The following GID4 variants were observed in gnomAD, a reference collection of about 807,000 sequenced individuals.
GID4 encodes glucose-induced degradation protein 4 homolog.
In GID4, 7 loss-of-function variants were observed where a neutral mutation model predicts 32.4. That is an observed-to-expected ratio of 0.22 (90% CI 0.12 to 0.41). GID4 has a LOEUF of 0.41. Ranked by LOEUF, GID4 falls within the 10% of genes least tolerant of loss-of-function variation. The pLI is 1.00. For missense variants in GID4, 309 were observed against 400.0 expected (o/e 0.77, Z 1.94); for synonymous variants, 166 against 170.0 (o/e 0.98, Z 0.18).
rs1215883471 is a variant in GID4 at position 18,065,870 on chromosome 17, A to T, written c.*627A>T. The T allele has an allele frequency of 6.6e-6, 1 of 152,618 alleles. No homozygotes were observed. The highest frequency in any genetic ancestry group is 2.4e-5 in the African/African-American group (1 of 41,474). The allele number at this position is 152,618 out of a possible 1,614,324, so 9.5% of individuals were successfully genotyped here. ...CCTGTACTGTTAACAGTGCAAAGCT[A>T]GTGAGTAGCTGTCAGGTTCCCTGGG... On this transcript the variant is annotated 3_prime_UTR_variant, in exon 6 of 6. Transcript: ENST00000268719.
intron 3 of GID4, among the ~76,000 whole-genome samples, 160 bp from the exon 4 acceptor site, chr17:18,058,708 T>C (rs1241138873): frequency 6.6e-6 from 1 of 152,152 alleles, no homozygotes; most frequent in African/African-American, 2.4e-5. Context: ...GGGGTGACCA[T>C]AGGGCCCCAT....
chr17:18,059,021 T>G lies in GID4; in HGVS notation c.708+52T>G, dbSNP rs768218064. 3.4e-5 allele frequency: 34 copies of G among 1,010,450 alleles called. 1 individual carries two copies. The South Asian group carries it at 4.1e-4, about 12-fold the overall frequency. The allele number at this position is 1,010,450 out of a possible 1,614,324, so 62.6% of individuals were successfully genotyped here. A position where few individuals can be genotyped will look rare whatever the true frequency, so the allele number is the denominator to read the frequency against. ...GACTCCCAGCAAGCCAGGCCCTGTA[T>G]CGCACCTACATATTCACTCTAACCA... is the stretch of plus-strand genomic sequence containing the variant. On this transcript the variant is annotated intron_variant, in intron 4 of 5. Transcript: ENST00000268719.
At chr17:18,064,543 GA>G (rs886667207) in intron 5 of GID4, among the ~76,000 whole-genome samples, 10 of 152,116 alleles carry the variant, frequency 6.6e-5, no homozygotes, top group African/African-American at 2.4e-4. Context: ...AAATGTGCCC[GA>G]GGTTGTCATC....
intron 2 of GID4, among the ~76,000 whole-genome samples, chr17:18,052,748 C>A (rs2044924710): frequency 6.6e-6 from 1 of 152,214 alleles, no homozygotes; most frequent in South Asian, 2.1e-4. Context: ...ATTAACAAAG[C>A]ACCCAAGCCA....
Position 18,052,473 on chromosome 17 carries a change from G to T in GID4, c.499-1654G>T, listed in dbSNP as rs1029531934. Among the ~76,000 whole-genome samples the T allele has an allele frequency of 2.6e-4, 40 of 152,216 alleles. 1 individual carries two copies. In the South Asian group the frequency reaches 3.1e-3, roughly 12 times the overall value. On this transcript the variant is annotated intron_variant, in intron 2 of 5. Transcript: ENST00000268719. ...GAGGTTTTTGATGCAGAATAAGAGG[G>T]GCTTACATCTGATCTGAAGGAAAAA...
chr17:18,058,347 C>G (rs1475789094), intron 3 of GID4, among the ~76,000 whole-genome samples: 1 of 152,130 alleles, frequency 6.6e-6, no homozygotes, highest in African/African-American at 2.4e-5. Flanking sequence ...GTCCTGGAAC[C>G]AATCTCTCGC....
chr17:18,064,749 C>T (rs1597700801), intron 5 of GID4, among the ~76,000 whole-genome samples: 2 of 152,132 alleles, frequency 1.3e-5, no homozygotes, highest in African/African-American at 2.4e-5. Flanking sequence ...TTTCTACGCT[C>T]TCTTTAGATA....
intron 3 of GID4, among the ~76,000 whole-genome samples, chr17:18,055,490 A>T (rs987393192): frequency 3.9e-5 from 6 of 152,032 alleles, no homozygotes; most frequent in African/African-American, 1.4e-4. Context: ...TATTTTATTT[A>T]AAAAAAATTT....
chr17:18,054,062 C>T, intron 2 of GID4, 65 bp from the exon 3 acceptor site: 1 of 860,420 alleles, frequency 1.2e-6, no homozygotes, highest in Non-Finnish European at 1.9e-6. Flanking sequence ...GTTTATTTTT[C>T]CTTTGTACAA....
At chr17:18,040,939 G>A (rs2044794417) in intron 1 of GID4, among the ~76,000 whole-genome samples, 1 of 152,112 alleles carries the variant, frequency 6.6e-6, no homozygotes, top group Non-Finnish European at 1.5e-5. Context: ...TCACTTGTCT[G>A]GGCCTTTCCC....
rs2045051557 is a variant in GID4 at position 18,065,343 on chromosome 17, G to C, written c.*100G>C. 1.2e-6 allele frequency: 1 copy of C among 858,818 alleles called. No homozygotes were observed. The highest frequency in any genetic ancestry group is 1.9e-5 in the Admixed American group (1 of 51,802). 53.2% of individuals were successfully genotyped at this position (858,818 alleles called of 1,614,324 possible). A position where few individuals can be genotyped will look rare whatever the true frequency, so the allele number is the denominator to read the frequency against. On this transcript the variant is annotated 3_prime_UTR_variant, in exon 6 of 6. Coordinates refer to ENST00000268719, the MANE Select transcript of GID4 (RefSeq NM_024052.5). ...CCAGAACCAGGAGAAGTGTGTTCCT[G>C]TTTCTTCACGAGCAGACTCGCATCA...
chr17:18,060,084 C>CAAAAAAAAAA (rs35399188), intron 4 of GID4, among the ~76,000 whole-genome samples: 1 of 60,474 alleles, frequency 1.7e-5, no homozygotes, highest in Non-Finnish European at 3.0e-5. Context: ...GACTCCATCT[C>CAAAAAAAAAA]AAAAAAAAAA....
At chr17:18,057,854 GAC>G (rs1310270774) in intron 3 of GID4, among the ~76,000 whole-genome samples, 1 of 149,742 alleles carries the variant, frequency 6.7e-6, no homozygotes, top group African/African-American at 2.5e-5. Context: ...TTTTTTTTGA[GAC>G]AGAGTCTCGC....
At chr17:18,054,966 T>G (rs890234462) in intron 3 of GID4, among the ~76,000 whole-genome samples, 1 of 152,086 alleles carries the variant, frequency 6.6e-6, no homozygotes, top group African/African-American at 2.4e-5. Context: ...GGTCAGGAGA[T>G]TGAGACCATC....
chr17:18,045,328 C>T (rs2044842503), intron 2 of GID4, 122 bp downstream of exon 2: 1 of 656,212 alleles, frequency 1.5e-6, no homozygotes, highest in African/African-American at 1.8e-5. Flanking sequence ...TACTCCTGAG[C>T]ATTGCTACTG....
At chr17:18,049,211 C>T (rs2044885151) in intron 2 of GID4, among the ~76,000 whole-genome samples, 1 of 151,558 alleles carries the variant, frequency 6.6e-6, no homozygotes, top group East Asian at 2.0e-4. Flanking sequence ...TGGCGGGCAC[C>T]TGTAATCCCA....
chr17:18,045,640 A>G (rs1446257055), intron 2 of GID4, among the ~76,000 whole-genome samples: 3 of 152,224 alleles, frequency 2.0e-5, no homozygotes, highest in African/African-American at 7.2e-5. Context: ...CATGCCTGTA[A>G]TCGCAACACT....
At chr17:18,056,616 G>A in intron 3 of GID4, 1 of 1,332,804 alleles carries the variant, frequency 7.5e-7, no homozygotes, top group Non-Finnish European at 1.0e-6. Flanking sequence ...AGTCTTTGAG[G>A]CCCAGTGACA....
chr17:18,048,759 C>G (rs1482785672), intron 2 of GID4, among the ~76,000 whole-genome samples: 2 of 151,904 alleles, frequency 1.3e-5, no homozygotes, highest in African/African-American at 2.4e-5. Flanking sequence ...TCCCATGCCT[C>G]AGCCTCCCGA....
Sources: allele counts gnomAD v4.1 joint callset (sites outside exome capture counted in the v4.1 genomes callset), GRCh38; gene constraint gnomAD v4.1.1; transcripts MANE v1.5; gene names NCBI Gene and HGNC (gene_info 2026-07-23, HGNC 2026-07-21).